OGG1: variants seen among roughly 807,000 people sequenced by gnomAD.
The protein encoded by OGG1 is N-glycosylase/DNA lyase.
A neutral mutation model predicts 42.3 loss-of-function variants in OGG1; 35 were observed. The observed-to-expected ratio is 0.83, with a 90% CI of 0.63 to 1.10. OGG1 has a LOEUF of 1.10. Among genes scored for constraint, OGG1 ranks in the 50% least tolerant of loss-of-function variants. The pLI is 0.00. For synonymous variants in OGG1, 189 were observed against 179.0 expected (o/e 1.06, Z -0.44); for missense variants, 484 against 446.7 (o/e 1.08, Z -0.75).
intron 3 of OGG1, chr3:9,787,162 T>G: frequency 1.2e-6 from 2 of 1,614,162 alleles, no homozygotes; most frequent in Non-Finnish European, 1.7e-6. Context: ...GGAATTCAAG[T>G]CCTGACCTGG....
chr3:9,754,645 C>G, intron 3 of OGG1, 59 bp from the exon 4 acceptor site: 2 of 1,583,588 alleles, frequency 1.3e-6, no homozygotes, highest in East Asian at 4.5e-5. Context: ...ACTTACTAGC[C>G]TAAGGACAGG....
chr3:9,768,169 C>T (rs1164113172), downstream of OGG1, among the ~76,000 whole-genome samples: 2 of 152,038 alleles, frequency 1.3e-5, no homozygotes. Context: ...CAGTGATGTC[C>T]CCGCCCCACC....
chr3:9,787,414 CCTAT>C (rs2078641463), intron 3 of OGG1: 2 of 1,526,808 alleles, frequency 1.3e-6, no homozygotes, highest in African/African-American at 2.8e-5. Context: ...CATTCACTTA[CCTAT>C]CTTATATCTC....
intron 3 of OGG1, among the ~76,000 whole-genome samples, chr3:9,786,015 T>C (rs7610826): frequency 0.21 from 31,715 of 151,944 alleles, 3,790 homozygotes; most frequent in East Asian, 0.57. Flanking sequence ...TTCGGCTTAC[T>C]GCAAGCTCCG....
At chr3:9,777,022 C>T (rs1232571716) in intron 2 of OGG1, among the ~76,000 whole-genome samples, 2 of 152,214 alleles carry the variant, frequency 1.3e-5, no homozygotes, top group African/African-American at 4.8e-5. Context: ...CTCCTGCCAT[C>T]ACTTTCTTTT....
intron 1 of OGG1, 177 bp downstream of exon 1, chr3:9,750,600 G>GT: frequency 1.2e-6 from 1 of 861,766 alleles, no homozygotes. Flanking sequence ...AGTGATAATT[G>GT]TAAGGATCCA....
intron 3 of OGG1, among the ~76,000 whole-genome samples, chr3:9,781,819 A>G (rs952796008): frequency 1.5e-5 from 2 of 136,912 alleles, no homozygotes; most frequent in Admixed American, 7.4e-5. Context: ...CCATTTCTTC[A>G]TTGCCCATTA....
downstream of OGG1, among the ~76,000 whole-genome samples, chr3:9,771,481 G>T (rs2078297929): frequency 6.6e-6 from 1 of 152,174 alleles, no homozygotes; most frequent in African/African-American, 2.4e-5. Flanking sequence ...AGAGTTCTGA[G>T]AATTCTATGA....
chr3:9,760,739 T>C, downstream of OGG1: 1 of 1,614,106 alleles, frequency 6.2e-7, no homozygotes, highest in Non-Finnish European at 8.5e-7. Flanking sequence ...GGCATCATTC[T>C]CGTCATAGAA....
Position 9,751,122 on chromosome 3 carries a change from C to G in OGG1, c.315C>G (p.Thr105=). 2 of 1,614,132 alleles carry G rather than the reference C, an allele frequency of 1.2e-6. No individual in the cohort carries two copies. Among genetic ancestry groups the G allele is most frequent in the Non-Finnish European group, 1.7e-6 (2 of 1,180,040 alleles). ...AVRKYFQLDV[T]LAQLYHHWGS... ...GCAAGTACTTCCAGCTAGATGTTAC[C>G]CTGGCTCAACTGTATCACCACTGGG... The change falls in exon 2 of 7, where the codon ACC becomes ACG. Residue 105 remains threonine (T), a synonymous_variant. Transcript: ENST00000344629.
chr3:9,760,776 G>T, downstream of OGG1: 1 of 1,613,944 alleles, frequency 6.2e-7, no homozygotes, highest in Non-Finnish European at 8.5e-7. Context: ...AGCCTGGGCA[G>T]GGAGAAACTC....
At position 9,750,241 on chromosome 3, in the gene OGG1, G is replaced by C; in HGVS notation, c.-46G>C. The C allele has an allele frequency of 6.3e-7, 1 of 1,585,744 alleles. No homozygotes were observed. Among genetic ancestry groups the C allele is most frequent in the Middle Eastern group, 1.9e-4 (1 of 5,176 alleles). On this transcript the variant is annotated 5_prime_UTR_variant, in exon 1 of 7. Transcript: ENST00000344629. ...GGGTCTTTGGGCGTCGACGAGGCCT[G>C]GTTCTGGGTAGGCGGGGCTACTACG... is the stretch of plus-strand genomic sequence containing the variant.
chr3:9,759,211 A>G (rs1282876542), downstream of OGG1: 2 of 1,613,936 alleles, frequency 1.2e-6, no homozygotes, highest in Non-Finnish European at 1.7e-6. Context: ...CACCACTTTT[A>G]TGACCTTTCT....
chr3:9,759,077 C>T (rs1434626981), downstream of OGG1: 1 of 907,734 alleles, frequency 1.1e-6, no homozygotes, highest in Non-Finnish European at 1.8e-6. Flanking sequence ...GGGCTCCTGC[C>T]TCTCAGTCCC....
In OGG1 at chr3:9,783,974, G is replaced by A. The variant is rs17050567; in HGVS notation, c.382+2374G>A. On this transcript the variant is annotated intron_variant, in intron 3 of 3. Coordinates refer to the OGG1 transcript ENST00000426518. ...TAAAACCCCTGAAAGGTGACTAGCC[G>A]TGGCCACAGCCTCCAAGGCCACCCC... is the stretch of plus-strand genomic sequence containing the variant. The A allele has an allele frequency of 3.8e-3, 5,930 of 1,560,546 alleles. 158 individuals are homozygous for A. The African/African-American group carries it at 0.069, about 18-fold the overall frequency.
intron 2 of OGG1, among the ~76,000 whole-genome samples, chr3:9,778,862 C>CCAA (rs2078399533): frequency 6.6e-6 from 1 of 152,184 alleles, no homozygotes; most frequent in African/African-American, 2.4e-5. Flanking sequence ...GAACATTTCT[C>CCAA]CAACAGAGAG....
intron 2 of OGG1, chr3:9,780,038 T>C (rs1046963117): frequency 2.7e-5 from 7 of 256,708 alleles, no homozygotes; most frequent in Non-Finnish European, 4.4e-5. Flanking sequence ...GGAGAAGTCC[T>C]TGAAGGGGAG....
downstream of OGG1, chr3:9,760,531 A>G: frequency 2.1e-6 from 2 of 937,250 alleles, no homozygotes; most frequent in Non-Finnish European, 3.4e-6. Flanking sequence ...TCTGGTCTCG[A>G]AGACAGCTCT....
At chr3:9,777,709 G>A (rs2125609819) in intron 2 of OGG1, among the ~76,000 whole-genome samples, 1 of 152,170 alleles carries the variant, frequency 6.6e-6, no homozygotes. Context: ...ATTTATATCT[G>A]TCTTCCTTCT....
Sources: gnomAD v4.1 joint callset for allele counts (sites outside exome capture counted in the v4.1 genomes callset) on GRCh38, gnomAD v4.1.1 for gene constraint, MANE v1.5 for transcripts, NCBI Gene and HGNC (gene_info 2026-07-23, HGNC 2026-07-21) for gene names.